DNAAF9: variants seen among roughly 807,000 people sequenced by gnomAD.
DNAAF9 encodes shulin.
A neutral mutation model predicts 167.0 loss-of-function variants in DNAAF9; 90 were observed. The ratio of observed to expected loss-of-function variants is 0.54; its 90% CI spans 0.45 to 0.64. The LOEUF (loss-of-function observed/expected upper bound fraction) is 0.64, where lower values mean the gene tolerates loss of function less well. Among genes scored for constraint, DNAAF9 ranks in the 30% least tolerant of loss-of-function variants. DNAAF9 has a pLI of 0.00. For synonymous variants in DNAAF9, 491 were observed against 508.8 expected (o/e 0.96, Z 0.47); for missense variants, 1,315 against 1,442.2 (o/e 0.91, Z 1.43).
chr20:3,315,901 G>A lies in DNAAF9; in HGVS notation c.1540-116C>T, dbSNP rs1219133867. The A allele has an allele frequency of 3.6e-6, 3 of 829,188 alleles. No homozygotes were observed. In the African/African-American group the frequency reaches 5.0e-5, roughly 14 times the overall value. The allele number at this position is 829,188 out of a possible 1,614,324, so 51.4% of individuals were successfully genotyped here. On this transcript the variant is annotated intron_variant, in intron 18 of 36. Transcript: ENST00000252032. The surrounding 1 kb of genome is among the most constrained non-coding windows in gnomAD (Gnocchi z 4.1). ...ACTGGCTGGACAGTCCTTCCACCATGTCCATGTCCAGTGCTCTCAGGCCCT... is the reference window on the plus strand; with the variant it reads ...ACTGGCTGGACAGTCCTTCCACCATATCCATGTCCAGTGCTCTCAGGCCCT...
At chr20:3,374,203 AACAGT>A (rs767840034) in intron 5 of DNAAF9, 49 bp from the exon 6 acceptor site, 1 of 1,312,954 alleles carries the variant, frequency 7.6e-7, no homozygotes, top group Non-Finnish European at 1.1e-6. Flanking sequence ...TCCTGAATAT[AACAGT>A]CTAAACCTGA....
intron 1 of DNAAF9, among the ~76,000 whole-genome samples, chr20:3,399,486 G>T (rs753844781): frequency 4.6e-5 from 7 of 152,236 alleles, no homozygotes; most frequent in South Asian, 4.2e-4. Context: ...GGGATTACAG[G>T]CATGAGCCAC....
intron 3 of DNAAF9, among the ~76,000 whole-genome samples, chr20:3,380,242 T>C (rs1429345488): frequency 1.3e-5 from 2 of 152,200 alleles, no homozygotes; most frequent in Non-Finnish European, 2.9e-5. Flanking sequence ...GAAAAAAATA[T>C]TTTGTAATCA....
chr20:3,370,436 A>G (rs2083491988), intron 6 of DNAAF9, among the ~76,000 whole-genome samples: 1 of 139,670 alleles, frequency 7.2e-6, no homozygotes, highest in African/African-American at 2.8e-5. Flanking sequence ...TTTGAGATGG[A>G]GTCTCACACT....
Position 3,302,247 on chromosome 20 carries a change from A to T in DNAAF9, c.1782+2193T>A, listed in dbSNP as rs192518738. On this transcript the variant is annotated intron_variant, in intron 21 of 36. Transcript: ENST00000252032. ...AGCCACTGTGCCTAGCCATAAAAAA[A>T]TTTTTTTATTTTTAATTAATACATA... Among the ~76,000 whole-genome samples, 1,402 of 152,290 alleles carry T rather than the reference A, an allele frequency of 9.2e-3. 19 individuals carry two copies. The highest frequency in any genetic ancestry group is 0.032 in the African/African-American group (1,327 of 41,532).
chr20:3,361,934 A>G, intron 6 of DNAAF9: 1 of 1,520,204 alleles, frequency 6.6e-7, no homozygotes, highest in Non-Finnish European at 9.1e-7. Flanking sequence ...TATTTTCTTT[A>G]GACATCATTA....
chr20:3,332,299 A>T lies in DNAAF9; in HGVS notation c.1044T>A (p.Ala348=). The change falls in exon 11 of 37, where the codon GCT becomes GCA. Residue 348 remains alanine, a synonymous_variant. Transcript: ENST00000252032. ...LACSRTYFFG[A]THVPYLGGDS... is the part of the protein sequence containing the mutation. ...ACTTACCCAAGTAAGGAACATGAGT[A>T]GCTCCAAAAAAGTATGTTCTCGAAC... is the stretch of plus-strand genomic sequence containing the variant. 1 of 1,593,316 alleles carries T rather than the reference A, an allele frequency of 6.3e-7. No individual in the cohort carries two copies. The highest frequency in any genetic ancestry group is 8.6e-7 in the Non-Finnish European group (1 of 1,161,118).
At chr20:3,318,944 A>G (rs1600773865) in intron 16 of DNAAF9, among the ~76,000 whole-genome samples, 1 of 151,896 alleles carries the variant, frequency 6.6e-6, no homozygotes, top group African/African-American at 2.4e-5. Flanking sequence ...TTAGCCAGGC[A>G]TGGTGGCGTG....
chr20:3,329,413 C>T (rs1387169145), intron 12 of DNAAF9, among the ~76,000 whole-genome samples: 3 of 151,680 alleles, frequency 2.0e-5, no homozygotes, highest in African/African-American at 7.3e-5. Context: ...CCTGCCTCGG[C>T]CCCCCAGAGT....
Position 3,294,210 on chromosome 20 carries a change from T to G in DNAAF9, c.2167A>C (p.Met723Leu), listed in dbSNP as rs370597357. Residue 723 changes from methionine (M) to leucine (L), a missense_variant, in exon 25 of 37, where the codon ATG becomes CTG. Coordinates refer to ENST00000252032, the MANE Select transcript of DNAAF9 (RefSeq NM_001009984.3). ...AISSISQEPV[M>L]RTHLPVLLQQ... ...AGCAGCACAGGAAGATGGGTCCGCA[T>G]CACAGGCTCCTGGCTAATGCTGCTG... 7 of 1,613,488 alleles carry G rather than the reference T, an allele frequency of 4.3e-6. No individual in the cohort carries two copies. The highest frequency in any genetic ancestry group is 1.1e-5 in the South Asian group (1 of 91,062).
chr20:3,337,441 T>G (rs1352141673), intron 10 of DNAAF9, among the ~76,000 whole-genome samples: 5 of 29,516 alleles, frequency 1.7e-4, no homozygotes, highest in South Asian at 1.3e-3. Flanking sequence ...TTTTTTTTTG[T>G]TTTTTTTTTT....
intron 21 of DNAAF9, among the ~76,000 whole-genome samples, chr20:3,298,472 T>C (rs1483515342): frequency 1.2e-4 from 19 of 152,096 alleles, no homozygotes; most frequent in Non-Finnish European, 2.9e-5. Context: ...CACATGCCAC[T>C]ATGCCTGGCT....
At chr20:3,292,860 AG>A (rs1234018300) in intron 25 of DNAAF9, among the ~76,000 whole-genome samples, 1 of 151,926 alleles carries the variant, frequency 6.6e-6, no homozygotes, top group African/African-American at 2.4e-5. Flanking sequence ...TGAGGTCAGG[AG>A]TGTGAACCAG....
chr20:3,289,448 AAAC>A (rs983641119), intron 26 of DNAAF9, among the ~76,000 whole-genome samples: 4 of 151,882 alleles, frequency 2.6e-5, no homozygotes, highest in African/African-American at 9.7e-5. Flanking sequence ...CCATCTCTAA[AAAC>A]AAAACAGAAA....
intron 17 of DNAAF9, 83 bp downstream of exon 17, chr20:3,318,205 CT>C: frequency 1.6e-6 from 1 of 641,758 alleles, no homozygotes; most frequent in Non-Finnish European, 2.8e-6. Flanking sequence ...TATTGTTGGC[CT>C]TTTGCCTTAG....
chr20:3,322,809 C>T (rs1431941480), intron 14 of DNAAF9, 113 bp from the exon 15 acceptor site: 5 of 807,120 alleles, frequency 6.2e-6, no homozygotes, highest in Non-Finnish European at 8.8e-6. Flanking sequence ...GTGTGTCATC[C>T]TTGCTTTACA....
At chr20:3,337,783 C>T (rs183053132) in intron 10 of DNAAF9, among the ~76,000 whole-genome samples, 11 of 152,012 alleles carry the variant, frequency 7.2e-5, no homozygotes, top group Non-Finnish European at 1.6e-4. Context: ...CATGTCCTCC[C>T]TCCTGTGTCT....
chr20:3,381,447 A>G lies in DNAAF9; in HGVS notation c.215T>C (p.Leu72Pro), dbSNP rs749487501. The G allele has an allele frequency of 6.2e-7, 1 of 1,613,606 alleles. No homozygotes were observed. The highest frequency in any genetic ancestry group is 8.5e-7 in the Non-Finnish European group (1 of 1,179,594). ...GGTATTCTGATTGTACAAACCAAAT[A>G]GAAGATAATTTGCCAGCTCTCTGCA... The part of the protein sequence containing the change: ...EGCRELANYL[L>P]FGLYNQNTSD... Residue 72 changes from leucine to proline, a missense_variant, in exon 3 of 37, where the codon CTA (leucine) becomes CCA (proline). Leu to Pro is a moderately conservative substitution (Grantham distance 98). Transcript: ENST00000252032.
intron 1 of DNAAF9, among the ~76,000 whole-genome samples, chr20:3,391,505 GT>G (rs1302008384): frequency 6.6e-6 from 1 of 150,812 alleles, no homozygotes. Flanking sequence ...AAAACCTAAA[GT>G]CATCATTGAT....
Sources: gnomAD v4.1 joint callset for allele counts (sites outside exome capture counted in the v4.1 genomes callset) on GRCh38, gnomAD v4.1.1 for gene constraint, Gnocchi (gnomAD v3.1) non-coding constraint, MANE v1.5 for transcripts, NCBI Gene and HGNC (gene_info 2026-07-23, HGNC 2026-07-21) for gene names.